CXADR: variants seen among roughly 807,000 people sequenced by gnomAD.
The protein encoded by CXADR is CXADR cell adhesion molecule.
In CXADR, 20 loss-of-function variants were observed where a neutral mutation model predicts 40.3. The ratio of observed to expected loss-of-function variants is 0.50; its 90% CI spans 0.35 to 0.72. The LOEUF is 0.72. CXADR is among the 30% of genes least tolerant of loss of function. The probability of loss-of-function intolerance (pLI) is 0.01; values close to 1 mark genes in which losing one functional copy is unlikely to be tolerated. For missense variants in CXADR, 332 were observed against 449.1 expected (o/e 0.74, Z 2.36); for synonymous variants, 150 against 161.3 (o/e 0.93, Z 0.53).
chr21:17,581,571 C>T (rs144556500), intron 7 of CXADR, among the ~76,000 whole-genome samples: 25 of 152,184 alleles, frequency 1.6e-4, no homozygotes, highest in Middle Eastern at 3.4e-3. Context: ...GGACCAGACA[C>T]GGTGGCTCAC....
At chr21:17,581,663 A>T (rs1252628465) in intron 7 of CXADR, among the ~76,000 whole-genome samples, 1 of 151,688 alleles carries the variant, frequency 6.6e-6, no homozygotes, top group Non-Finnish European at 1.5e-5. Context: ...GGGCCAACAT[A>T]GTTGAGACCC....
At chr21:17,544,775 G>T (rs1250620546) in intron 1 of CXADR, among the ~76,000 whole-genome samples, 2 of 152,142 alleles carry the variant, frequency 1.3e-5, no homozygotes, top group African/African-American at 4.8e-5. Flanking sequence ...TTTATTTCAG[G>T]AGTGCATTTA....
chr21:17,569,759 G>A lies in CXADR; in HGVS notation c.*4067G>A, dbSNP rs1378526226. 3 of 983,912 alleles carry A rather than the reference G, an allele frequency of 3.0e-6. No individual in the cohort carries two copies. Among genetic ancestry groups the A allele is most frequent in the African/African-American group, 3.5e-5 (2 of 57,074 alleles). The allele number at this position is 983,912 out of a possible 1,614,324, so 60.9% of individuals were successfully genotyped here. On this transcript the variant is annotated 3_prime_UTR_variant, in exon 7 of 7. Coordinates refer to ENST00000284878, the MANE Select transcript of CXADR (RefSeq NM_001338.5). ...TCAGTTGGGTTTGGTTTTGGTCATC[G>A]AGACTAAAAGCTCCATCAAAACAGA... is the stretch of plus-strand genomic sequence containing the variant.
chr21:17,564,774 G>A (rs1023647037), intron 6 of CXADR, among the ~76,000 whole-genome samples: 7 of 151,870 alleles, frequency 4.6e-5, no homozygotes, highest in African/African-American at 4.8e-5. Flanking sequence ...TCACTCTGGC[G>A]CCCAGGCTGG....
chr21:17,521,545 A>T (rs1327844637), intron 1 of CXADR, among the ~76,000 whole-genome samples: 1 of 151,578 alleles, frequency 6.6e-6, no homozygotes, highest in Non-Finnish European at 1.5e-5. Flanking sequence ...CTGGTCTCGA[A>T]CTCCTGACCT....
chr21:17,582,152 TG>T (rs11321415), intron 7 of CXADR, among the ~76,000 whole-genome samples: 151,932 of 151,932 alleles, frequency 1, 75,966 homozygotes, highest in Non-Finnish European at 1. Flanking sequence ...CCTGAATTCC[TG>T]GGTCTAGCCG....
intron 1 of CXADR, among the ~76,000 whole-genome samples, chr21:17,516,121 A>G (rs1464068138): frequency 6.6e-6 from 1 of 152,182 alleles, no homozygotes; most frequent in East Asian, 1.9e-4. Flanking sequence ...ATACTGTTCT[A>G]AGGGCTTTAC....
chr21:17,618,325 T>C, the CXADR span, among the ~76,000 whole-genome samples: 2 of 152,198 alleles, frequency 1.3e-5, no homozygotes, highest in South Asian at 4.1e-4. Flanking sequence ...AATTCTTGAA[T>C]CCCTCAAAGT....
intron 6 of CXADR, among the ~76,000 whole-genome samples, chr21:17,563,890 G>GAGA (rs1449805405): frequency 1.6e-5 from 2 of 124,538 alleles, no homozygotes; most frequent in Non-Finnish European, 3.2e-5. Context: ...GCAGTGAGCT[G>GAGA]AGATCACGCC....
chr21:17,564,341 A>G (rs2061172473), intron 6 of CXADR, among the ~76,000 whole-genome samples: 1 of 151,816 alleles, frequency 6.6e-6, no homozygotes, highest in Non-Finnish European at 1.5e-5. Context: ...AAAAGGAAAA[A>G]GAAAAAGATA....
chr21:17,537,623 A>G (rs116550915), intron 1 of CXADR, among the ~76,000 whole-genome samples: 1,723 of 152,220 alleles, frequency 0.011, 33 homozygotes, highest in African/African-American at 0.039. Flanking sequence ...GTTTACATCT[A>G]GTATCTTTCT....
At chr21:17,607,739 G>T in the CXADR span, among the ~76,000 whole-genome samples, 1 of 152,202 alleles carries the variant, frequency 6.6e-6, no homozygotes, top group Non-Finnish European at 1.5e-5. Context: ...ACAAATAAAA[G>T]AGTATTTCTG....
chr21:17,611,502 G>A, the CXADR span, among the ~76,000 whole-genome samples: 2 of 152,126 alleles, frequency 1.3e-5, no homozygotes, highest in African/African-American at 4.8e-5. Flanking sequence ...AGAAATGATA[G>A]CTCGAACAGC....
At chr21:17,538,292 G>A (rs1037568116) in intron 1 of CXADR, among the ~76,000 whole-genome samples, 8 of 152,116 alleles carry the variant, frequency 5.3e-5, no homozygotes, top group Admixed American at 2.0e-4. Flanking sequence ...GAGCCACCGC[G>A]CCCAGCAAGA....
intron 1 of CXADR, chr21:17,530,589 C>T (rs1317426488): frequency 1.0e-5 from 3 of 286,814 alleles, no homozygotes; most frequent in Non-Finnish European, 2.1e-5. Flanking sequence ...CAAGATGGGC[C>T]TATCACTTGA....
At chr21:17,599,502 A>G in the CXADR span, among the ~76,000 whole-genome samples, 7 of 100,952 alleles carry the variant, frequency 6.9e-5, no homozygotes, top group East Asian at 2.9e-4. Flanking sequence ...TTTGAGACGG[A>G]GTCTCACTCT....
At chr21:17,593,439 A>G (rs1422100982) in exon 8 of CXADR, 5 of 289,796 alleles carry the variant, frequency 1.7e-5, no homozygotes, top group African/African-American at 2.2e-5. Flanking sequence ...ATGTTTTATT[A>G]TATTTTCAAT....
chr21:17,574,656 A>C (rs555683153), downstream of CXADR, among the ~76,000 whole-genome samples: 11 of 152,184 alleles, frequency 7.2e-5, no homozygotes, highest in Non-Finnish European at 1.6e-4. Flanking sequence ...TTTAAGCCTT[A>C]AGGCAGATTT....
At chr21:17,598,552 G>GACT, downstream of CXADR, 1 of 1,373,980 alleles carries the variant, frequency 7.3e-7, no homozygotes, top group Non-Finnish European at 1.0e-6. Context: ...TGCCAAGTAG[G>GACT]ACTACCTGAA....
Sources: allele counts gnomAD v4.1 joint callset (sites outside exome capture counted in the v4.1 genomes callset), GRCh38; gene constraint gnomAD v4.1.1; transcripts MANE v1.5; gene names NCBI Gene and HGNC (gene_info 2026-07-23, HGNC 2026-07-21).